ZFPM2: variants seen among roughly 807,000 people sequenced by gnomAD.
ZFPM2 encodes zinc finger protein, FOG family member 2.
In ZFPM2, 20 loss-of-function variants were observed where a neutral mutation model predicts 98.6. That is an observed-to-expected ratio of 0.20 (90% CI 0.14 to 0.29). The LOEUF (loss-of-function observed/expected upper bound fraction) is 0.29, where lower values mean the gene tolerates loss of function less well. Ranked by LOEUF, ZFPM2 falls within the 10% of genes least tolerant of loss-of-function variation. ZFPM2 has a pLI of 1.00. For synonymous variants in ZFPM2, 518 were observed against 502.7 expected (o/e 1.03, Z -0.41); for missense variants, 1,310 against 1,388.6 (o/e 0.94, Z 0.90).
chr8:105,531,027 G>T (rs771448493), intron 3 of ZFPM2, among the ~76,000 whole-genome samples: 5 of 152,102 alleles, frequency 3.3e-5, no homozygotes, highest in Non-Finnish European at 7.4e-5. Context: ...AGAAATAATT[G>T]TCTTAAAGAA....
At chr8:105,593,963 C>G (rs1311719818) in intron 4 of ZFPM2, among the ~76,000 whole-genome samples, 2 of 152,260 alleles carry the variant, frequency 1.3e-5, no homozygotes, top group East Asian at 3.9e-4. Flanking sequence ...GGAGTCTTAA[C>G]AGTGCTCCTC....
chr8:105,729,579 T>A (rs556667633), intron 5 of ZFPM2, among the ~76,000 whole-genome samples: 1 of 151,722 alleles, frequency 6.6e-6, no homozygotes, highest in Admixed American at 6.6e-5. Context: ...TTTAACAACA[T>A]TACGCTAAGC....
intron 5 of ZFPM2, among the ~76,000 whole-genome samples, chr8:105,706,079 T>C (rs1377517204): frequency 1.3e-5 from 2 of 152,184 alleles, no homozygotes; most frequent in African/African-American, 2.4e-5. Context: ...TTTATCCCCA[T>C]TTTATTGATG....
At chr8:105,447,504 A>G (rs890374551) in intron 3 of ZFPM2, among the ~76,000 whole-genome samples, 8 of 152,100 alleles carry the variant, frequency 5.3e-5, no homozygotes, top group Admixed American at 3.3e-4. Context: ...GCCCACTAGT[A>G]TATCTGAAGA....
At chr8:105,787,188 G>T (rs1056918755) in intron 5 of ZFPM2, 2 of 152,260 alleles carry the variant, frequency 1.3e-5, no homozygotes, top group South Asian at 2.1e-4. Context: ...CACTTTCATC[G>T]CTCCTCTGAT....
In ZFPM2 at chr8:105,795,562, G is replaced by T. The variant is rs184727441; in HGVS notation, c.740-3162G>T. Among the ~76,000 whole-genome samples, 11 of 148,222 alleles carry T rather than the reference G, an allele frequency of 7.4e-5. No individual in the cohort carries two copies. The East Asian group carries it at 2.0e-3, about 27-fold the overall frequency. ...ATTAGATATACTAACAAACAAAAAA[G>T]AAGTGTATCCTGGATAAATCAAGAC... On this transcript the variant is annotated intron_variant, in intron 6 of 7. Coordinates refer to ENST00000407775, the MANE Select transcript of ZFPM2 (RefSeq NM_012082.4).
At chr8:105,557,633 T>C (rs1455176392) in intron 3 of ZFPM2, among the ~76,000 whole-genome samples, 2 of 152,188 alleles carry the variant, frequency 1.3e-5, no homozygotes, top group African/African-American at 4.8e-5. Context: ...GGTTCAGGCT[T>C]GTTTTGTTTT....
intron 5 of ZFPM2, among the ~76,000 whole-genome samples, chr8:105,765,472 C>A (rs75803136): frequency 1.3e-5 from 2 of 151,842 alleles, no homozygotes; most frequent in South Asian, 2.1e-4. Context: ...GAGTTCCAGT[C>A]GCTTTATTTA....
chr8:105,393,330 C>CTGCCTT (rs1245789213), intron 1 of ZFPM2, among the ~76,000 whole-genome samples: 2 of 132,834 alleles, frequency 1.5e-5, no homozygotes, highest in Non-Finnish European at 3.2e-5. Flanking sequence ...CCCTCTCTCT[C>CTGCCTT]TCTTTGCCTT....
intron 5 of ZFPM2, among the ~76,000 whole-genome samples, chr8:105,775,972 G>A (rs1453641560): frequency 6.6e-6 from 1 of 152,044 alleles, no homozygotes; most frequent in Non-Finnish European, 1.5e-5. Context: ...CTGAGCTTAT[G>A]CTTCAGTAGA....
At chr8:105,360,970 G>C (rs62525435) in intron 1 of ZFPM2, among the ~76,000 whole-genome samples, 1 of 147,054 alleles carries the variant, frequency 6.8e-6, no homozygotes, top group Non-Finnish European at 1.5e-5. Context: ...ATGATTTATA[G>C]TCCTTTGAGT....
chr8:105,754,588 A>G (rs1812550987), intron 5 of ZFPM2, among the ~76,000 whole-genome samples: 1 of 152,084 alleles, frequency 6.6e-6, no homozygotes, highest in South Asian at 2.1e-4. Flanking sequence ...TTGTGCCTCA[A>G]TTTCTTATTC....
intron 4 of ZFPM2, among the ~76,000 whole-genome samples, chr8:105,590,761 C>T (rs1430967196): frequency 4.2e-5 from 6 of 143,952 alleles, no homozygotes; most frequent in African/African-American, 9.9e-5. Context: ...TACGTGCGCA[C>T]GCACACACAC....
chr8:105,336,663 GATT>G (rs1812330044), intron 1 of ZFPM2, among the ~76,000 whole-genome samples: 1 of 149,264 alleles, frequency 6.7e-6, no homozygotes, highest in Non-Finnish European at 1.5e-5. Flanking sequence ...TTATAAGATA[GATT>G]GATATTAAAA....
chr8:105,429,701 CA>C lies in ZFPM2; in HGVS notation c.199+10414del, dbSNP rs376633755. Among the ~76,000 whole-genome samples, 875 of 128,308 alleles carry C rather than the reference CA, an allele frequency of 6.8e-3. 4 individuals carry two copies. The highest frequency in any genetic ancestry group is 0.027 in the Middle Eastern group (6 of 224). 84.2% of individuals were successfully genotyped at this position (128,308 alleles called of 152,430 possible). A position where few individuals can be genotyped will look rare whatever the true frequency, so the allele number is the denominator to read the frequency against. ...ATTCTACAAAAATGCAAAGTGATAC[CA>C]AAAAAAAAAAAAAATGGACAGGGAA... On this transcript the variant is annotated intron_variant, in intron 2 of 7. Coordinates refer to ENST00000407775, the MANE Select transcript of ZFPM2 (RefSeq NM_012082.4).
At chr8:105,414,733 G>A (rs1320071766) in intron 1 of ZFPM2, 1 of 151,628 alleles carries the variant, frequency 6.6e-6, no homozygotes, top group Non-Finnish European at 1.5e-5. Flanking sequence ...CATTTATCTG[G>A]GGGACTAAGT....
At chr8:105,494,079 C>A in intron 3 of ZFPM2, among the ~76,000 whole-genome samples, 1 of 150,922 alleles carries the variant, frequency 6.6e-6, no homozygotes, top group South Asian at 2.1e-4. Flanking sequence ...GTCTTCTACT[C>A]AGCCTGTGCA....
chr8:105,694,177 G>A (rs1224453485), intron 5 of ZFPM2, among the ~76,000 whole-genome samples: 3 of 151,262 alleles, frequency 2.0e-5, no homozygotes, highest in African/African-American at 4.9e-5. Context: ...TAGTAGAGAC[G>A]GGGTTTCGCT....
chr8:105,416,118 GATAA>G (rs1811675398), intron 1 of ZFPM2, among the ~76,000 whole-genome samples: 1 of 151,424 alleles, frequency 6.6e-6, no homozygotes, highest in Non-Finnish European at 1.5e-5. Flanking sequence ...CAAAAACCTT[GATAA>G]ATAAAAGATT....
Sources: allele counts gnomAD v4.1 joint callset (sites outside exome capture counted in the v4.1 genomes callset), GRCh38; gene constraint gnomAD v4.1.1; transcripts MANE v1.5; gene names NCBI Gene and HGNC (gene_info 2026-07-23, HGNC 2026-07-21).